MAPK6: variants seen among roughly 807,000 people sequenced by gnomAD.
MAPK6 encodes ERK-3.
Under a neutral mutation model 59.3 loss-of-function variants are expected in MAPK6, and 19 were observed. The observed-to-expected ratio is 0.32, with a 90% CI of 0.22 to 0.47. MAPK6 has a LOEUF of 0.47. Ranked by LOEUF, MAPK6 falls within the 20% of genes least tolerant of loss-of-function variation. The pLI, the probability that MAPK6 is intolerant of heterozygous loss-of-function variation, is 1.00. For missense variants in MAPK6, 724 were observed against 847.9 expected, an observed-to-expected ratio of 0.85 and a Z score of 1.81; for synonymous variants, 316 against 290.3, an observed-to-expected ratio of 1.09 and a Z score of -0.90.
At chr15:52,049,855 C>T (rs1014654109) in intron 2 of MAPK6, 138 bp from the exon 3 acceptor site, 18 of 717,384 alleles carry the variant, frequency 2.5e-5, no homozygotes, top group South Asian at 5.0e-5. Flanking sequence ...TTGGGTGATC[C>T]GCCCACCTTG....
intron 3 of MAPK6, among the ~76,000 whole-genome samples, chr15:52,009,300 T>G (rs2029989326): frequency 6.6e-6 from 1 of 152,232 alleles, no homozygotes. Flanking sequence ...AATCTGAGAC[T>G]AGTTATAGAA....
intron 1 of MAPK6, among the ~76,000 whole-genome samples, chr15:51,974,132 T>TA (rs908846537): frequency 1.3e-5 from 2 of 151,760 alleles, no homozygotes; most frequent in African/African-American, 2.4e-5. Flanking sequence ...TTTAAAAACT[T>TA]AAAAAAATAT....
At chr15:52,003,894 A>G (rs571190883) in intron 2 of MAPK6, among the ~76,000 whole-genome samples, 19 of 152,366 alleles carry the variant, frequency 1.2e-4, no homozygotes, top group South Asian at 2.1e-4. Context: ...TGCTGATGCA[A>G]TATAATTCCA....
chr15:52,031,201 G>A (rs868004811), intron 1 of MAPK6, among the ~76,000 whole-genome samples: 51 of 152,092 alleles, frequency 3.4e-4, no homozygotes, highest in Admixed American at 3.0e-3. Context: ...CCAATGTGCC[G>A]GGACTACAGG....
At position 52,050,151 on chromosome 15, in the gene MAPK6, G is replaced by A. The variant is rs1027465071; in HGVS notation, c.700+14G>A. On this transcript the variant is annotated intron_variant, in intron 3 of 5. Coordinates refer to ENST00000261845, the MANE Select transcript of MAPK6 (RefSeq NM_002748.4). ...CCCTTTTTGCAGGTTAGTATTTTGT[G>A]GGGGGAAAAATTTTCCCAAAGAGAA... 1.3e-6 allele frequency: 2 copies of A among 1,586,142 alleles called. No individual in the cohort carries two copies. The highest frequency in any genetic ancestry group is 1.7e-6 in the Non-Finnish European group (2 of 1,173,746).
At chr15:52,014,799 G>A (rs1312194171), upstream of MAPK6, among the ~76,000 whole-genome samples, 1 of 151,516 alleles carries the variant, frequency 6.6e-6, no homozygotes, top group Non-Finnish European at 1.5e-5. Flanking sequence ...CATAATGAAT[G>A]ACATTTTTAG....
chr15:51,984,980 G>A (rs2057186323), intron 2 of MAPK6, among the ~76,000 whole-genome samples: 1 of 152,110 alleles, frequency 6.6e-6, no homozygotes, highest in African/African-American at 2.4e-5. Flanking sequence ...TCAACAAGAA[G>A]AATAAAAATA....
At position 52,046,444 on chromosome 15, in the gene MAPK6, A is replaced by G. The variant is rs1470959103; in HGVS notation, c.-17A>G. ...AAGTTCAATTTGAAAGGAAAAGGCA[A>G]TAGTAAGGGTTTCAAAATGGCAGAG... is the stretch of plus-strand genomic sequence containing the variant. On this transcript the variant is annotated 5_prime_UTR_variant, in exon 2 of 6. Coordinates refer to ENST00000261845, the MANE Select transcript of MAPK6 (RefSeq NM_002748.4). 1.3e-6 allele frequency: 2 copies of G among 1,563,476 alleles called. No homozygotes were observed. Among genetic ancestry groups the G allele is most frequent in the East Asian group, 4.5e-5 (2 of 44,508 alleles).
intron 2 of MAPK6, among the ~76,000 whole-genome samples, chr15:52,047,732 C>T (rs1260003183): frequency 6.6e-6 from 1 of 150,960 alleles, no homozygotes; most frequent in East Asian, 1.9e-4. Context: ...AAGTGATCCT[C>T]TGGCCTCAGC....
intron 2 of MAPK6, among the ~76,000 whole-genome samples, chr15:51,986,476 A>T (rs1457059224): frequency 6.6e-6 from 1 of 152,192 alleles, no homozygotes; most frequent in African/African-American, 2.4e-5. Flanking sequence ...GAGTGACAGA[A>T]TTTTGGGTGA....
In MAPK6 at chr15:52,066,537, C is replaced by T. The variant is rs1323970918; in HGVS notation, c.*1537C>T. 1 of 152,150 alleles carries T rather than the reference C, an allele frequency of 6.6e-6. No homozygotes were observed. Among genetic ancestry groups the T allele is most frequent in the Non-Finnish European group, 1.5e-5 (1 of 68,028 alleles). 9.4% of individuals were successfully genotyped at this position (152,150 alleles called of 1,614,324 possible). On this transcript the variant is annotated 3_prime_UTR_variant, in exon 6 of 6. Coordinates refer to ENST00000261845, the MANE Select transcript of MAPK6 (RefSeq NM_002748.4). The stretch of plus-strand genomic sequence containing the variant: ...CTTTGCGTAAGAACTTACCCTTTTA[C>T]CTATCCAGCTACAAAACCATCCTCT...
chr15:52,029,140 T>C (rs2030929694), intron 1 of MAPK6, among the ~76,000 whole-genome samples: 1 of 152,176 alleles, frequency 6.6e-6, no homozygotes, highest in Non-Finnish European at 1.5e-5. Flanking sequence ...TGGGTTCAAG[T>C]GATTATCCTG....
intron 1 of MAPK6, among the ~76,000 whole-genome samples, chr15:51,981,968 AT>A (rs967732871): frequency 2.3e-4 from 35 of 152,296 alleles, no homozygotes; most frequent in African/African-American, 8.4e-4. Context: ...TGGAAAAATA[AT>A]TTTTTAAGGC....
intron 2 of MAPK6, among the ~76,000 whole-genome samples, chr15:51,984,898 T>G (rs531766874): frequency 6.6e-6 from 1 of 152,336 alleles, no homozygotes; most frequent in East Asian, 1.9e-4. Context: ...CATGTTCCAC[T>G]TTATATACTT....
chr15:52,051,208 C>T (rs534164939), intron 3 of MAPK6, among the ~76,000 whole-genome samples: 55 of 152,256 alleles, frequency 3.6e-4, no homozygotes, highest in Non-Finnish European at 5.7e-4. Flanking sequence ...CAGGCGCCCG[C>T]CCCGTCGCCC....
At chr15:51,979,747 T>C (rs1169307412) in intron 1 of MAPK6, among the ~76,000 whole-genome samples, 3 of 151,624 alleles carry the variant, frequency 2.0e-5, no homozygotes, top group African/African-American at 7.3e-5. Context: ...AAGGCAGAGA[T>C]TGCGCCACTG....
chr15:52,048,624 T>C (rs1448472339), intron 2 of MAPK6, among the ~76,000 whole-genome samples: 1 of 151,912 alleles, frequency 6.6e-6, no homozygotes, highest in African/African-American at 2.4e-5. Context: ...AAAAAAGATA[T>C]TTTGTAGAAA....
At chr15:51,998,413 C>T (rs1156629318) in intron 2 of MAPK6, among the ~76,000 whole-genome samples, 1 of 151,612 alleles carries the variant, frequency 6.6e-6, no homozygotes, top group Non-Finnish European at 1.5e-5. Flanking sequence ...TCATGTTGGC[C>T]AGGCTGGTCT....
At chr15:52,035,095 T>C (rs1487591286) in intron 1 of MAPK6, among the ~76,000 whole-genome samples, 2 of 152,226 alleles carry the variant, frequency 1.3e-5, no homozygotes, top group Admixed American at 6.5e-5. Flanking sequence ...GAAATTCTCT[T>C]TGCTTTCTAG....
Sources: allele counts gnomAD v4.1 joint callset (sites outside exome capture counted in the v4.1 genomes callset), GRCh38; gene constraint gnomAD v4.1.1; transcripts MANE v1.5; gene names NCBI Gene and HGNC (gene_info 2026-07-23, HGNC 2026-07-21).